UBAC2: variants seen among roughly 807,000 people sequenced by gnomAD.
UBAC2 encodes the protein ubiquitin-associated domain-containing protein 2.
UBAC2 carries 26 observed loss-of-function variants against 44.0 expected under a neutral mutation model. The ratio of observed to expected loss-of-function variants is 0.59; its 90% confidence interval spans 0.43 to 0.82. The LOEUF (loss-of-function observed/expected upper bound fraction) is 0.82. Ranked by LOEUF, UBAC2 falls within the 40% of genes least tolerant of loss-of-function variation. The pLI, the probability that UBAC2 is intolerant of heterozygous loss-of-function variation, is 0.00. For missense variants in UBAC2, 329 were observed against 419.4 expected (o/e 0.78, Z 1.88); for synonymous variants, 155 against 154.3 (o/e 1.00, Z -0.04).
chr13:99,278,642 A>G (rs1414499671), intron 4 of UBAC2, among the ~76,000 whole-genome samples: 1 of 152,202 alleles, frequency 6.6e-6, no homozygotes, highest in Admixed American at 6.5e-5. Flanking sequence ...GGATCTCCAA[A>G]TTTGAAGCGA....
At chr13:99,214,460 G>T (rs772750118) in intron 1 of UBAC2, among the ~76,000 whole-genome samples, 6 of 152,130 alleles carry the variant, frequency 3.9e-5, no homozygotes, top group Non-Finnish European at 7.4e-5. Context: ...CAAGGAATAT[G>T]AATAGGCTGG....
intron 1 of UBAC2, among the ~76,000 whole-genome samples, chr13:99,219,430 A>C (rs1321267934): frequency 6.6e-6 from 1 of 152,222 alleles, no homozygotes; most frequent in Non-Finnish European, 1.5e-5. Context: ...ACCACAATTT[A>C]ATTGCAGAAC....
At chr13:99,281,586 A>C (rs1014287603) in intron 4 of UBAC2, among the ~76,000 whole-genome samples, 1 of 152,242 alleles carries the variant, frequency 6.6e-6, no homozygotes, top group African/African-American at 2.4e-5. Flanking sequence ...CTTTGAGGAA[A>C]CAGGCTCAGA....
intron 7 of UBAC2, among the ~76,000 whole-genome samples, chr13:99,362,971 G>A (rs1453092454): frequency 6.6e-6 from 1 of 152,146 alleles, no homozygotes; most frequent in African/African-American, 2.4e-5. Context: ...CTATCCTAAT[G>A]ACATGAAAAT....
intron 7 of UBAC2, among the ~76,000 whole-genome samples, chr13:99,341,033 T>C (rs1281038047): frequency 2.1e-5 from 3 of 144,320 alleles, no homozygotes; most frequent in Non-Finnish European, 4.7e-5. Flanking sequence ...TAAAAAAAAA[T>C]GCTGTGTTTT....
rs957909427 is a variant in UBAC2, at chr13:99,266,363, C to CA, written c.389+21749dup. The stretch of plus-strand genomic sequence containing the variant: ...ACTAACACTAATGATAGCTGATGAT[C>CA]AAAAAAAAAATCATGGAAAAAACTC... On this transcript the variant is annotated intron_variant, in intron 4 of 8. Coordinates refer to ENST00000403766, the MANE Select transcript of UBAC2 (RefSeq NM_001144072.2). Among the ~76,000 whole-genome samples, 443 of 148,214 alleles carry CA rather than the reference C, an allele frequency of 3.0e-3. 2 individuals are homozygous for CA. The highest frequency in any genetic ancestry group is 4.7e-3 in the East Asian group (24 of 5,110).
intron 7 of UBAC2, among the ~76,000 whole-genome samples, chr13:99,349,149 C>T (rs986641752): frequency 1.3e-4 from 20 of 152,168 alleles, no homozygotes; most frequent in African/African-American, 4.6e-4. Flanking sequence ...TTACTGGAGT[C>T]TCCTGTAGTA....
intron 1 of UBAC2, among the ~76,000 whole-genome samples, chr13:99,206,350 A>G (rs2042871856): frequency 6.6e-6 from 1 of 152,306 alleles, no homozygotes; most frequent in South Asian, 2.1e-4. Context: ...ATAGAGAAAG[A>G]GGAGGCAGAA....
intron 6 of UBAC2, among the ~76,000 whole-genome samples, chr13:99,323,138 C>T (rs1594126749): frequency 2.0e-5 from 3 of 152,166 alleles, no homozygotes; most frequent in Admixed American, 2.0e-4. Flanking sequence ...GCTTCCTTTT[C>T]TCCTATTTAA....
chr13:99,278,819 A>G (rs1445409696), intron 4 of UBAC2, among the ~76,000 whole-genome samples: 1 of 152,222 alleles, frequency 6.6e-6, no homozygotes, highest in East Asian at 1.9e-4. Context: ...TCTGTCCAGG[A>G]ACATATAACT....
At chr13:99,205,259 A>C (rs577377611) in intron 1 of UBAC2, among the ~76,000 whole-genome samples, 1 of 152,158 alleles carries the variant, frequency 6.6e-6, no homozygotes, top group African/African-American at 2.4e-5. Context: ...GTTGGGAAAA[A>C]CCCAGTGGGA....
chr13:99,277,624 A>G (rs1428071158), intron 4 of UBAC2, among the ~76,000 whole-genome samples: 1 of 152,198 alleles, frequency 6.6e-6, no homozygotes, highest in Non-Finnish European at 1.5e-5. Flanking sequence ...TTTTTTCTCC[A>G]TTGATAGTTA....
intron 6 of UBAC2, among the ~76,000 whole-genome samples, chr13:99,327,160 T>C (rs1414211601): frequency 1.3e-5 from 2 of 152,222 alleles, no homozygotes; most frequent in African/African-American, 4.8e-5. Flanking sequence ...CTCACTGTCT[T>C]GTATTTCTTG....
chr13:99,375,157 A>G (rs538521271), intron 8 of UBAC2, among the ~76,000 whole-genome samples: 10 of 152,178 alleles, frequency 6.6e-5, no homozygotes, highest in Non-Finnish European at 1.3e-4. Flanking sequence ...AGCCAGCCTT[A>G]ACTAAAGACC....
At chr13:99,336,014 A>G (rs2044784047) in intron 6 of UBAC2, among the ~76,000 whole-genome samples, 1 of 151,292 alleles carries the variant, frequency 6.6e-6, no homozygotes, top group African/African-American at 2.4e-5. Context: ...AAAAAAAAAG[A>G]GATAAAACTG....
intron 1 of UBAC2, among the ~76,000 whole-genome samples, chr13:99,214,291 G>C (rs894359159): frequency 2.0e-5 from 3 of 149,328 alleles, no homozygotes; most frequent in Non-Finnish European, 4.4e-5. Flanking sequence ...CACGAGTGGT[G>C]AACTTCTGGA....
intron 7 of UBAC2, among the ~76,000 whole-genome samples, chr13:99,351,146 TA>T (rs1004142171): frequency 3.3e-5 from 5 of 152,142 alleles, no homozygotes; most frequent in East Asian, 1.9e-4. Flanking sequence ...TCATTGGGGA[TA>T]AAAAAAATTA....
Position 99,267,478 on chromosome 13 carries a change from C to T in UBAC2, c.389+22854C>T, listed in dbSNP as rs1267098091. On this transcript the variant is annotated intron_variant, in intron 4 of 8. Transcript: ENST00000403766. ...GTTATCCTGAGTAAAATCAATGAGT[C>T]CTTTTGGAACCTTTCCTCATGACTT... 2.0e-5 allele frequency among the ~76,000 whole-genome samples: 3 copies of T among 152,012 alleles called. No homozygotes were observed. In the East Asian group the frequency reaches 5.8e-4, roughly 29 times the overall value.
At chr13:99,254,880 T>A in intron 4 of UBAC2, 1 of 1,607,502 alleles carries the variant, frequency 6.2e-7, no homozygotes, top group Non-Finnish European at 8.5e-7. Flanking sequence ...TTATTATTCA[T>A]AACATTTCAC....
Sources: allele counts gnomAD v4.1 joint callset (sites outside exome capture counted in the v4.1 genomes callset), GRCh38; gene constraint gnomAD v4.1.1; transcripts MANE v1.5; gene names NCBI Gene and HGNC (gene_info 2026-07-23, HGNC 2026-07-21).